CYB5R3: variants seen among roughly 807,000 people sequenced by gnomAD.
The protein encoded by CYB5R3 is cytochrome b5 reductase 3, also known as NADH-cytochrome b5 reductase 3.
A neutral mutation model predicts 36.5 loss-of-function variants in CYB5R3; 28 were observed. The observed-to-expected ratio is 0.77, with a 90% CI of 0.57 to 1.05. CYB5R3 has a LOEUF of 1.05. Among genes scored for constraint, CYB5R3 ranks in the 50% least tolerant of loss-of-function variants. The pLI, the probability that CYB5R3 is intolerant of heterozygous loss-of-function variation, is 0.00. For missense variants in CYB5R3, 474 were observed against 408.9 expected (o/e 1.16, Z -1.37); for synonymous variants, 181 against 159.8 (o/e 1.13, Z -1.00).
chr22:42,628,195 A>G lies in CYB5R3; in HGVS notation c.420T>C (p.Ile140=). 1.9e-6 allele frequency: 3 copies of G among 1,613,960 alleles called. No homozygotes were observed. The highest frequency in any genetic ancestry group is 1.7e-6 in the Non-Finnish European group (2 of 1,179,946). ...YLESMQIGDT[I]EFRGPSGLLV... ...GCAGCCCACTGGGGCCCCGGAACTC[A>G]ATGGTGTCTCCAATCTGCATGCTCT... Residue 140 remains isoleucine (I), a synonymous_variant, in exon 5 of 9, where the codon ATT becomes ATC. Coordinates refer to ENST00000352397, the MANE Select transcript of CYB5R3 (RefSeq NM_000398.7).
intron 7 of CYB5R3, among the ~76,000 whole-genome samples, chr22:42,624,925 G>A (rs752408597): frequency 7.2e-5 from 11 of 152,128 alleles, no homozygotes; most frequent in East Asian, 1.9e-4. Context: ...CCAGCTCCTT[G>A]GTGCTCCCCT....
At chr22:42,643,296 A>C (rs928055165) in intron 1 of CYB5R3, among the ~76,000 whole-genome samples, 28 of 152,132 alleles carry the variant, frequency 1.8e-4, no homozygotes, top group African/African-American at 6.5e-4. Context: ...GGCCCAGGTC[A>C]CGTAGGGGTC....
chr22:42,618,357 G>T lies in CYB5R3; in HGVS notation c.*1416C>A, dbSNP rs572684803. On this transcript the variant is annotated 3_prime_UTR_variant, in exon 9 of 9. Coordinates refer to ENST00000352397, the MANE Select transcript of CYB5R3 (RefSeq NM_000398.7). ...TCGAGACCATCCCGGCTAAAACGGT[G>T]AAACCCCGTCTCTACTAAAAATACA... 21 of 151,292 alleles carry T rather than the reference G, an allele frequency of 1.4e-4. No homozygotes were observed. The highest frequency in any genetic ancestry group is 4.9e-4 in the African/African-American group (20 of 40,898). The allele number at this position is 151,292 out of a possible 1,614,324, so 9.4% of individuals were successfully genotyped here. A position where few individuals can be genotyped will look rare whatever the true frequency, so the allele number is the denominator to read the frequency against.
intron 1 of CYB5R3, among the ~76,000 whole-genome samples, chr22:42,648,814 G>T (rs998242722): frequency 2.0e-5 from 3 of 151,556 alleles, no homozygotes; most frequent in Non-Finnish European, 4.4e-5. Context: ...CGCAGTCAGT[G>T]ACATCGCCCA....
At chr22:42,628,779 C>T (rs972931565) in intron 4 of CYB5R3, among the ~76,000 whole-genome samples, 1 of 152,144 alleles carries the variant, frequency 6.6e-6, no homozygotes, top group Non-Finnish European at 1.5e-5. Context: ...GGGCCTCAAT[C>T]CGACACCTAC....
chr22:42,648,596 C>G (rs1460818780), intron 1 of CYB5R3, among the ~76,000 whole-genome samples: 1 of 152,164 alleles, frequency 6.6e-6, no homozygotes, highest in African/African-American at 2.4e-5. Context: ...TGCATTTCCC[C>G]ATCTGTGAAA....
chr22:42,647,659 C>A (rs561235378), intron 1 of CYB5R3, among the ~76,000 whole-genome samples: 1 of 149,190 alleles, frequency 6.7e-6, no homozygotes. Flanking sequence ...GTGGAGGTTG[C>A]AGTGAGCTGA....
chr22:42,627,263 A>G (rs1487108396), intron 7 of CYB5R3, 41 bp downstream of exon 7: 2 of 1,562,984 alleles, frequency 1.3e-6, no homozygotes, highest in Middle Eastern at 3.3e-4. Flanking sequence ...GTCCCCTCTC[A>G]GGGTAAGCTG....
chr22:42,622,121 C>G (rs1279587778), intron 8 of CYB5R3, among the ~76,000 whole-genome samples: 1 of 152,200 alleles, frequency 6.6e-6, no homozygotes, highest in African/African-American at 2.4e-5. Context: ...AGAGTTTCAC[C>G]ATGTTGGCCA....
Position 42,619,730 on chromosome 22 carries a change from G to C in CYB5R3, c.*43C>G, listed in dbSNP as rs375561330. ...GTGACTGGGTGAGCGTGAACAGGGC[G>C]TGGGGTGCGCGGGGCGGGTGGCCGT... On this transcript the variant is annotated 3_prime_UTR_variant, in exon 9 of 9. Coordinates refer to ENST00000352397, the MANE Select transcript of CYB5R3 (RefSeq NM_000398.7). The C allele has an allele frequency of 1.3e-6, 2 of 1,529,906 alleles. No individual in the cohort carries two copies. Among genetic ancestry groups the C allele is most frequent in the Non-Finnish European group, 1.8e-6 (2 of 1,139,648 alleles). The allele number at this position is 1,529,906 out of a possible 1,614,324, so 94.8% of individuals were successfully genotyped here.
At position 42,627,663 on chromosome 22, in the gene CYB5R3, T is replaced by C; in HGVS notation, c.489A>G (p.Lys163=). ...CTGTCCTGATGATAGGGTTGGACTT[T>C]TTGTCAGGTCGGATGGCGAACTTCC... The part of the protein sequence containing the change: ...GKGKFAIRPD[K]KSNPIIRTVK... Residue 163 remains lysine (K), a synonymous_variant, in exon 6 of 9, where the codon AAA becomes AAG. Coordinates refer to ENST00000352397, the MANE Select transcript of CYB5R3 (RefSeq NM_000398.7). The C allele has an allele frequency of 6.2e-7, 1 of 1,614,140 alleles. No homozygotes were observed. The highest frequency in any genetic ancestry group is 8.5e-7 in the Non-Finnish European group (1 of 1,179,972).
Position 42,630,001 on chromosome 22 carries a change from T to C in CYB5R3, c.333+881A>G, listed in dbSNP as rs371251235. Reference sequence around the variant, plus strand: ...TTTTAGTAGAGACGGGGTTTCTCCATGTCGGCCAGGCTGGTCTCTAACTCC... The same window carrying C: ...TTTTAGTAGAGACGGGGTTTCTCCACGTCGGCCAGGCTGGTCTCTAACTCC... On this transcript the variant is annotated intron_variant, in intron 4 of 8. Coordinates refer to ENST00000352397, the MANE Select transcript of CYB5R3 (RefSeq NM_000398.7). 5.3e-4 allele frequency among the ~76,000 whole-genome samples: 80 copies of C among 152,288 alleles called. 1 individual carries two copies. Among genetic ancestry groups the C allele is most frequent in the African/African-American group, 1.3e-3 (53 of 41,552 alleles).
chr22:42,639,958 G>T, intron 1 of CYB5R3: 1 of 1,607,626 alleles, frequency 6.2e-7, no homozygotes, highest in Non-Finnish European at 8.5e-7. Flanking sequence ...TGTTAAGACT[G>T]GTCTTCAAAC....
At chr22:42,628,068 G>A (rs1331162914) in intron 5 of CYB5R3, 84 bp downstream of exon 5, 1 of 1,581,464 alleles carries the variant, frequency 6.3e-7, no homozygotes, top group East Asian at 2.2e-5. Flanking sequence ...ACAGAGCCAG[G>A]GGCCTGCACC....
chr22:42,633,603 G>A (rs531331295), intron 2 of CYB5R3, among the ~76,000 whole-genome samples: 1 of 152,308 alleles, frequency 6.6e-6, no homozygotes, highest in East Asian at 1.9e-4. Flanking sequence ...GACCAACATG[G>A]AGAAACCCCA....
At chr22:42,629,857 G>A (rs1928516546) in intron 4 of CYB5R3, among the ~76,000 whole-genome samples, 1 of 152,140 alleles carries the variant, frequency 6.6e-6, no homozygotes, top group Non-Finnish European at 1.5e-5. Flanking sequence ...GAGTACAGTA[G>A]CATGATCTTG....
chr22:42,639,229 C>A, intron 1 of CYB5R3: 1 of 274,752 alleles, frequency 3.6e-6, no homozygotes, highest in Non-Finnish European at 7.2e-6. Context: ...GAAGCTGGAG[C>A]AGGAGAATCA....
At chr22:42,634,272 A>G (rs755165412) in intron 2 of CYB5R3, among the ~76,000 whole-genome samples, 1 of 151,224 alleles carries the variant, frequency 6.6e-6, no homozygotes, top group Non-Finnish European at 1.5e-5. Flanking sequence ...GAGGCAGGAG[A>G]ACCGCTTGAA....
chr22:42,623,928 G>T, intron 7 of CYB5R3, 40 bp from the exon 8 acceptor site: 1 of 1,553,352 alleles, frequency 6.4e-7, no homozygotes, highest in East Asian at 2.2e-5. Flanking sequence ...AGGATGGGTG[G>T]CAGACTGCCC....
Sources: allele counts gnomAD v4.1 joint callset (sites outside exome capture counted in the v4.1 genomes callset), GRCh38; gene constraint gnomAD v4.1.1; transcripts MANE v1.5; gene names NCBI Gene and HGNC (gene_info 2026-07-23, HGNC 2026-07-21).